The following MAGI2 variants were observed in gnomAD, a reference collection of about 807,000 sequenced individuals.
The protein encoded by MAGI2 is membrane-associated guanylate kinase, WW and PDZ domain-containing protein 2.
In MAGI2, 35 loss-of-function variants were observed where a neutral mutation model predicts 133.3. The ratio of observed to expected loss-of-function variants is 0.26; its 90% confidence interval spans 0.20 to 0.35. The LOEUF (loss-of-function observed/expected upper bound fraction) is 0.35. Ranked by LOEUF, MAGI2 falls within the 10% of genes least tolerant of loss-of-function variation. The probability of loss-of-function intolerance (pLI) is 1.00; values close to 1 mark genes in which losing one functional copy is unlikely to be tolerated. For missense variants in MAGI2, 1,636 were observed against 1,863.4 expected (o/e 0.88, Z 2.25); for synonymous variants, 729 against 710.6 (o/e 1.03, Z -0.41).
intron 1 of MAGI2, among the ~76,000 whole-genome samples, chr7:79,053,438 C>A (rs1812861261): frequency 6.6e-6 from 1 of 152,110 alleles, no homozygotes. Context: ...AATTCTTCAT[C>A]TATGAACACT....
At position 78,462,520 on chromosome 7, in the gene MAGI2, T is replaced by C. The variant is rs145686413; in HGVS notation, c.1045+27241A>G. 2.4e-3 allele frequency among the ~76,000 whole-genome samples: 372 copies of C among 152,318 alleles called. 4 individuals are homozygous for C. The highest frequency in any genetic ancestry group is 8.8e-3 in the African/African-American group (364 of 41,570). On this transcript the variant is annotated intron_variant, in intron 6 of 21. Coordinates refer to ENST00000354212, the MANE Select transcript of MAGI2 (RefSeq NM_012301.4). ...TTAATATTGAAAATCTATTGCCATA[T>C]CTAGCAGTATTATTATAGGTATGTT...
At chr7:78,519,430 G>C (rs1796312139) in intron 4 of MAGI2, among the ~76,000 whole-genome samples, 1 of 152,090 alleles carries the variant, frequency 6.6e-6, no homozygotes. Flanking sequence ...TGTCCAGCAG[G>C]CTTATTTACA....
chr7:78,949,259 T>TAGAGCATA (rs1293108902), intron 2 of MAGI2, among the ~76,000 whole-genome samples: 1 of 152,194 alleles, frequency 6.6e-6, no homozygotes, highest in East Asian at 1.9e-4. Context: ...GCCTGATGTC[T>TAGAGCATA]AGAGCATAAT....
intron 2 of MAGI2, among the ~76,000 whole-genome samples, chr7:78,961,231 CCTT>C (rs1489548272): frequency 6.6e-6 from 1 of 152,094 alleles, no homozygotes; most frequent in African/African-American, 2.4e-5. Context: ...TGATCTCTCT[CCTT>C]CTTTCCATTA....
chr7:79,214,482 T>A (rs1355756828), intron 1 of MAGI2, among the ~76,000 whole-genome samples: 1 of 135,366 alleles, frequency 7.4e-6, no homozygotes, highest in East Asian at 2.1e-4. Context: ...TACATATATA[T>A]GTATATATAT....
At chr7:79,452,976 G>A in intron 1 of MAGI2, 44 bp downstream of exon 1, 2 of 1,504,446 alleles carry the variant, frequency 1.3e-6, no homozygotes, top group South Asian at 2.6e-5. Flanking sequence ...CGCCCCGAGC[G>A]GTCCCACCGC....
At chr7:79,336,567 A>G (rs565932336) in intron 1 of MAGI2, among the ~76,000 whole-genome samples, 1 of 152,270 alleles carries the variant, frequency 6.6e-6, no homozygotes, top group Admixed American at 6.5e-5. Flanking sequence ...ATCAGGATAG[A>G]GGAAATTCAA....
chr7:78,386,198 T>C (rs1795375605), intron 6 of MAGI2, among the ~76,000 whole-genome samples: 1 of 152,132 alleles, frequency 6.6e-6, no homozygotes, highest in African/African-American at 2.4e-5. Flanking sequence ...TAAAATACAA[T>C]AGTGATATAT....
chr7:78,227,837 C>T (rs1416363644), intron 10 of MAGI2, among the ~76,000 whole-genome samples: 2 of 109,280 alleles, frequency 1.8e-5, no homozygotes, highest in East Asian at 2.1e-4. Context: ...TACCATACTG[C>T]CTTCTTACTC....
chr7:78,097,311 G>A (rs538656052), intron 20 of MAGI2, among the ~76,000 whole-genome samples: 2 of 152,240 alleles, frequency 1.3e-5, no homozygotes, highest in East Asian at 1.9e-4. Flanking sequence ...TCCCATTACT[G>A]GGTATGTACT....
intron 1 of MAGI2, among the ~76,000 whole-genome samples, chr7:79,340,112 CT>C (rs546116402): frequency 1.3e-5 from 2 of 151,668 alleles, no homozygotes; most frequent in South Asian, 4.2e-4. Context: ...AATATTTGTT[CT>C]GTTCTATTAG....
intron 1 of MAGI2, among the ~76,000 whole-genome samples, chr7:79,403,401 T>C (rs957348960): frequency 4.6e-5 from 7 of 152,118 alleles, no homozygotes; most frequent in Admixed American, 6.6e-5. Context: ...TAAAATACAG[T>C]TGAAATGTAG....
At position 78,892,535 on chromosome 7, in the gene MAGI2, T is replaced by C. The variant is rs544965230; in HGVS notation, c.418+114555A>G. On this transcript the variant is annotated intron_variant, in intron 2 of 21. Transcript: ENST00000354212. ...TGGTACTGGTACCAAAACAGAGATA[T>C]AGATCAATGGAACAGAACAGAGCCC... 3.0e-3 allele frequency among the ~76,000 whole-genome samples: 457 copies of C among 152,266 alleles called. 3 individuals are homozygous for C. Among genetic ancestry groups the C allele is most frequent in the African/African-American group, 0.011 (437 of 41,548 alleles).
chr7:78,553,451 A>G (rs1053551761), intron 3 of MAGI2, among the ~76,000 whole-genome samples: 1 of 152,220 alleles, frequency 6.6e-6, no homozygotes, highest in Non-Finnish European at 1.5e-5. Flanking sequence ...CTTCAGATAA[A>G]TACGTGATTT....
chr7:79,016,312 G>C (rs1193448998), intron 1 of MAGI2, among the ~76,000 whole-genome samples: 2 of 152,078 alleles, frequency 1.3e-5, no homozygotes, highest in Non-Finnish European at 2.9e-5. Flanking sequence ...GGCTGGGCCA[G>C]TCCGACCAGA....
intron 3 of MAGI2, among the ~76,000 whole-genome samples, chr7:78,532,723 A>C (rs189431375): frequency 6.6e-6 from 1 of 152,248 alleles, no homozygotes; most frequent in Non-Finnish European, 1.5e-5. Flanking sequence ...GTACTAACGC[A>C]TAAGTCAGAA....
intron 6 of MAGI2, among the ~76,000 whole-genome samples, chr7:78,448,410 C>T (rs1044049157): frequency 2.6e-5 from 4 of 152,012 alleles, no homozygotes; most frequent in African/African-American, 9.7e-5. Flanking sequence ...AAAAGAGCTC[C>T]TCTTTCTCCA....
At chr7:78,407,051 G>A (rs1797446619) in intron 6 of MAGI2, among the ~76,000 whole-genome samples, 1 of 152,058 alleles carries the variant, frequency 6.6e-6, no homozygotes, top group South Asian at 2.1e-4. Flanking sequence ...CCAGAAATAT[G>A]TGTTTTATAC....
At position 78,977,410 on chromosome 7, in the gene MAGI2, C is replaced by T. The variant is rs533062104; in HGVS notation, c.418+29680G>A. On this transcript the variant is annotated intron_variant, in intron 2 of 21. Transcript: ENST00000354212. ...GAAAGACAGAAAGAGAGAAAGAGAG[C>T]GACAGAGAGAGAGAGAGAGAGAAAC... 1.0e-4 allele frequency among the ~76,000 whole-genome samples: 14 copies of T among 138,982 alleles called. No homozygotes were observed. The South Asian group carries it at 1.4e-3, about 14-fold the overall frequency. 91.2% of individuals were successfully genotyped at this position (138,982 alleles called of 152,430 possible).
Sources: gnomAD v4.1 joint callset for allele counts (sites outside exome capture counted in the v4.1 genomes callset) on GRCh38, gnomAD v4.1.1 for gene constraint, MANE v1.5 for transcripts, NCBI Gene and HGNC (gene_info 2026-07-23, HGNC 2026-07-21) for gene names.